The following DLG5 variants were observed in gnomAD, a reference collection of about 807,000 sequenced individuals.
The protein encoded by DLG5 is discs large MAGUK scaffold protein 5.
In DLG5, 48 loss-of-function variants were observed where a neutral mutation model predicts 189.8. The observed-to-expected ratio is 0.25, with a 90% CI of 0.20 to 0.32. The LOEUF is 0.32. DLG5 is among the 10% of genes least tolerant of loss of function. DLG5 has a pLI of 1.00. For missense variants in DLG5, 2,160 were observed against 2,544.7 expected (o/e 0.85, Z 3.25); for synonymous variants, 1,016 against 1,054.1 (o/e 0.96, Z 0.70).
intron 1 of DLG5, among the ~76,000 whole-genome samples, chr10:77,873,694 G>A (rs968051247): frequency 1.6e-4 from 25 of 152,034 alleles, no homozygotes; most frequent in African/African-American, 9.7e-5. Context: ...GGTGACTCAC[G>A]CTTCCTCTTC....
In DLG5 at chr10:77,856,744, C is replaced by T. The variant is rs189084053; in HGVS notation, c.522G>A (p.Thr174=). 4.2e-5 allele frequency: 67 copies of T among 1,613,254 alleles called. 1 individual carries two copies. The East Asian group carries it at 9.1e-4, about 22-fold the overall frequency. ...GCAATTACTACCTCTTGTCAAAGGC[C>T]GTGCCATGCGTAGCAAAGGCCAGGC... The part of the protein sequence containing the change: ...RKRLAFATHG[T]AFDKRPYHRL... The change falls in exon 3 of 32, where the codon ACG becomes ACA. Residue 174 remains threonine, a synonymous_variant. Coordinates refer to ENST00000372391, the MANE Select transcript of DLG5 (RefSeq NM_004747.4).
In DLG5 at chr10:77,819,903, G is replaced by T; in HGVS notation, c.3518C>A (p.Pro1173Gln). 1.3e-6 allele frequency: 2 copies of T among 1,569,624 alleles called. No homozygotes were observed. Among genetic ancestry groups the T allele is most frequent in the Non-Finnish European group, 8.6e-7 (1 of 1,158,574 alleles). Residue 1173 changes from proline to glutamine, a missense_variant, in exon 16 of 32, where the codon CCG (proline) becomes CAG (glutamine). Physicochemically the swap from Pro to Gln is moderately conservative, Grantham distance 76. Around this residue, in one of 5 missense-constraint regions of DLG5, gnomAD observed 754 missense variants for 746.5 expected, o/e 1.01. Transcript: ENST00000372391. Reference sequence around the variant, plus strand: ...CTGGCTGGCTGACTCACCCACAGACGGCCTGCTAGGGTATAGCGGGGGGTT... The same window carrying T: ...CTGGCTGGCTGACTCACCCACAGACTGCCTGCTAGGGTATAGCGGGGGGTT... ...HSNPPLYPSRPSVGTVPRSLT... is the reference protein window; with the variant it reads ...HSNPPLYPSRQSVGTVPRSLT...
intron 27 of DLG5, among the ~76,000 whole-genome samples, chr10:77,797,806 C>A (rs957656188): frequency 6.6e-6 from 1 of 152,172 alleles, no homozygotes; most frequent in African/African-American, 2.4e-5. Context: ...CAGCAGCAGG[C>A]TCCATGAAGA....
chr10:77,888,983 G>A, intron 1 of DLG5, among the ~76,000 whole-genome samples: 1 of 151,638 alleles, frequency 6.6e-6, no homozygotes. Flanking sequence ...TGAACACCTG[G>A]CTGTGAAGCC....
intron 14 of DLG5, 64 bp from the exon 15 acceptor site, chr10:77,822,165 A>G: frequency 6.5e-7 from 1 of 1,543,658 alleles, no homozygotes; most frequent in Middle Eastern, 1.8e-4. Context: ...GCTGCCACTG[A>G]AAACCATCCC....
At chr10:77,909,692 T>C (rs1274609939) in intron 1 of DLG5, among the ~76,000 whole-genome samples, 2 of 152,078 alleles carry the variant, frequency 1.3e-5, no homozygotes, top group Non-Finnish European at 1.5e-5. Flanking sequence ...GGGGGATACA[T>C]AGGCGCATAT....
intron 6 of DLG5, 33 bp from the exon 7 acceptor site, chr10:77,842,226 C>T (rs370904571): frequency 4.9e-5 from 77 of 1,584,534 alleles, no homozygotes; most frequent in Admixed American, 3.5e-4. Context: ...GTGGGAAGGG[C>T]GGGGGCCCTG....
the DLG5 span, among the ~76,000 whole-genome samples, chr10:77,938,988 G>A: frequency 6.6e-6 from 1 of 152,170 alleles, no homozygotes; most frequent in Non-Finnish European, 1.5e-5. Context: ...TTCCAGACCA[G>A]CCTGACCAAC....
the DLG5 span, among the ~76,000 whole-genome samples, chr10:77,940,420 T>C: frequency 6.6e-6 from 1 of 152,248 alleles, no homozygotes; most frequent in Admixed American, 6.5e-5. Flanking sequence ...TTAATTGTTT[T>C]ATGACTTGAT....
chr10:77,925,797 A>C (rs1272128343), intron 1 of DLG5, among the ~76,000 whole-genome samples: 1 of 152,086 alleles, frequency 6.6e-6, no homozygotes. Flanking sequence ...AGCGACCAAA[A>C]CTTAAGAGTA....
intron 1 of DLG5, among the ~76,000 whole-genome samples, chr10:77,923,914 G>A (rs1846610130): frequency 1.3e-5 from 2 of 152,016 alleles, no homozygotes; most frequent in South Asian, 4.2e-4. Context: ...ACCTAGGCTG[G>A]AATCCAAGGG....
chr10:77,822,441 C>T (rs1185171601), intron 14 of DLG5, among the ~76,000 whole-genome samples: 1 of 152,054 alleles, frequency 6.6e-6, no homozygotes, highest in Non-Finnish European at 1.5e-5. Flanking sequence ...GTCAGGAGTT[C>T]GAGACCAGCC....
chr10:77,811,183 G>A lies in DLG5; in HGVS notation c.4374C>T (p.Thr1458=). 2 of 1,613,380 alleles carry A rather than the reference G, an allele frequency of 1.2e-6. No homozygotes were observed. Among genetic ancestry groups the A allele is most frequent in the East Asian group, 2.2e-5 (1 of 44,830 alleles). Residue 1458 remains threonine (T), a synonymous_variant, in exon 23 of 32, where the codon ACC becomes ACT. Transcript: ENST00000372391. ...GTHSTLQGSG[T]TTPEHPSVID... ...TGACAGATGGATGCTCCGGGGTGGT[G>A]GTGCCACTGCCCTGGAGAGTGGAGT...
rs368472170 is a variant in DLG5, at chr10:77,873,704, C to T, written c.305-4507G>A. Among the ~76,000 whole-genome samples the T allele has an allele frequency of 6.3e-4, 96 of 152,290 alleles. No homozygotes were observed. In the Middle Eastern group the frequency reaches 0.024, roughly 38 times the overall value. ...GCCCTGGTGACTCACGCTTCCTCTT[C>T]GTGAAGCTCACAGTGGCTGAAGGAA... On this transcript the variant is annotated intron_variant, in intron 1 of 31. Transcript: ENST00000372391.
At chr10:77,868,959 G>A in intron 2 of DLG5, 170 bp downstream of exon 2, 1 of 633,692 alleles carries the variant, frequency 1.6e-6, no homozygotes, top group Non-Finnish European at 2.8e-6. Context: ...TCTAACATCA[G>A]AACTGGGTTT....
intron 18 of DLG5, 35 bp downstream of exon 18, chr10:77,817,742 C>T (rs1842132289): frequency 1.3e-6 from 2 of 1,527,338 alleles, no homozygotes; most frequent in Non-Finnish European, 1.8e-6. Context: ...AAGCTTGGCA[C>T]CCTCTGCAGC....
chr10:77,936,427 A>C, the DLG5 span, among the ~76,000 whole-genome samples: 1 of 136,346 alleles, frequency 7.3e-6, no homozygotes, highest in Non-Finnish European at 1.5e-5. Context: ...ACAGAGCGAG[A>C]CTCCGTCTCA....
In DLG5 at chr10:77,842,108, G is replaced by T; in HGVS notation, c.1210C>A (p.Leu404Met). The T allele has an allele frequency of 1.2e-6, 2 of 1,613,142 alleles. No individual in the cohort carries two copies. ...ACCTGCGTGGTTCTCAGCTCGGTCA[G>T]CTCTGACTGCAGCAGCTCCATCTCC... Reference protein sequence around the residue: ...QWEMELLQSELTELRTTQVKT... With the variant: ...QWEMELLQSEMTELRTTQVKT... Residue 404 changes from leucine to methionine, a missense_variant, in exon 7 of 32, where the codon CTG (leucine) becomes ATG (methionine). By Grantham distance (15) the Leu-to-Met change is conservative. Around this residue, in one of 5 missense-constraint regions of DLG5, gnomAD observed 664 missense variants for 838.5 expected, o/e 0.79. Coordinates refer to ENST00000372391, the MANE Select transcript of DLG5 (RefSeq NM_004747.4).
At chr10:77,900,536 A>G (rs1845893513) in intron 1 of DLG5, among the ~76,000 whole-genome samples, 1 of 152,142 alleles carries the variant, frequency 6.6e-6, no homozygotes, top group African/African-American at 2.4e-5. Context: ...ATGGTGGCTC[A>G]CGCCTGTAAT....
Sources: gnomAD v4.1 joint callset for allele counts (sites outside exome capture counted in the v4.1 genomes callset) on GRCh38, gnomAD v4.1.1 for gene constraint, gnomAD v4.1.1 regional missense constraint, MANE v1.5 for transcripts, NCBI Gene and HGNC (gene_info 2026-07-23, HGNC 2026-07-21) for gene names.